Variants in NLRC4 observed in about 807,000 individuals in gnomAD.
NLRC4 encodes NLR family CARD domain-containing protein 4.
In NLRC4, 63 loss-of-function variants were observed where a neutral mutation model predicts 79.9. The ratio of observed to expected loss-of-function variants is 0.79; its 90% confidence interval spans 0.64 to 0.97. The LOEUF is 0.97. Ranked by LOEUF, NLRC4 falls within the 50% of genes least tolerant of loss-of-function variation. The pLI is 0.00. For synonymous variants in NLRC4, 461 were observed against 456.5 expected (o/e 1.01, Z -0.12); for missense variants, 1,074 against 1,215.2 (o/e 0.88, Z 1.73).
In NLRC4 at chr2:32,251,146, G is replaced by T. The variant is rs749177011; in HGVS notation, c.718C>A (p.Arg240=). The T allele has an allele frequency of 4.3e-6, 7 of 1,614,028 alleles. No homozygotes were observed. The highest frequency in any genetic ancestry group is 5.9e-6 in the Non-Finnish European group (7 of 1,180,018). The part of the protein sequence containing the change: ...QTFMAMLLKL[R]QRVLFLLDGY... Reference sequence around the variant, plus strand: ...TCAAGAAGGAAAAGAACCCTCTGCCGCAGCTTCAGCAGCATGGCCATGAAT... The same window carrying T: ...TCAAGAAGGAAAAGAACCCTCTGCCTCAGCTTCAGCAGCATGGCCATGAAT... The change falls in exon 4 of 9, where the codon CGG becomes AGG. Residue 240 remains arginine (R), a synonymous_variant. Coordinates refer to ENST00000402280, the MANE Select transcript of NLRC4 (RefSeq NM_001199138.2).
At chr2:32,224,796 AG>A (rs1686331507) in intron 8 of NLRC4, 31 bp from the exon 9 acceptor site, 2 of 1,231,478 alleles carry the variant, frequency 1.6e-6, no homozygotes, top group Admixed American at 3.0e-5. Context: ...ATTAGTTGGA[AG>A]AAAAATTTTT....
At chr2:32,265,434 G>T (rs1442513127), upstream of NLRC4, among the ~76,000 whole-genome samples, 1 of 152,194 alleles carries the variant, frequency 6.6e-6, no homozygotes. Context: ...GCCAGCCTCA[G>T]CCTCCCAAAG....
chr2:32,225,448 T>TAC (rs1686363998), intron 8 of NLRC4, among the ~76,000 whole-genome samples: 2 of 149,738 alleles, frequency 1.3e-5, no homozygotes, highest in Non-Finnish European at 3.0e-5. Flanking sequence ...TGTGTGTGTA[T>TAC]ACATACACAA....
rs751434892 is a variant in NLRC4, at chr2:32,261,316, C to CTTTTTTTTTTTTTT, written c.-119+3421_-119+3422insAAAAAAAAAAAAAA. Among the ~76,000 whole-genome samples, 293 of 96,740 alleles carry CTTTTTTTTTTTTTT rather than the reference C, an allele frequency of 3.0e-3. 23 individuals carry two copies. The highest frequency in any genetic ancestry group is 5.7e-3 in the Middle Eastern group (1 of 176). The allele number at this position is 96,740 out of a possible 152,430, so 63.5% of individuals were successfully genotyped here. ...TTCTTTCGCCTATTAAGCCTCCCCC[C>CTTTTTTTTTTTTTT]TTTTGTTTTTTTTTGAGATGGAGCC... is the stretch of plus-strand genomic sequence containing the variant. On this transcript the variant is annotated intron_variant, in intron 1 of 8. Transcript: ENST00000402280.
intron 8 of NLRC4, among the ~76,000 whole-genome samples, chr2:32,232,109 A>C (rs1686552133): frequency 6.6e-6 from 1 of 152,158 alleles, no homozygotes. Flanking sequence ...AATATCATAG[A>C]GGTAAAGTAC....
intron 2 of NLRC4, 59 bp from the exon 3 acceptor site, chr2:32,252,738 G>A: frequency 1.3e-6 from 2 of 1,487,910 alleles, no homozygotes; most frequent in Non-Finnish European, 1.9e-6. Flanking sequence ...TGCATATCCG[G>A]CTGGGCACGG....
At chr2:32,238,367 G>C in intron 5 of NLRC4, 65 bp from the exon 6 acceptor site, 1 of 1,327,164 alleles carries the variant, frequency 7.5e-7, no homozygotes, top group Non-Finnish European at 1.1e-6. Context: ...ATAGATTAAT[G>C]AACTGAAAAG....
intron 4 of NLRC4, among the ~76,000 whole-genome samples, chr2:32,242,909 G>A (rs759136519): frequency 1.3e-5 from 2 of 152,062 alleles, no homozygotes; most frequent in Non-Finnish European, 2.9e-5. Flanking sequence ...TTACCCAGGT[G>A]TGGTGGCAGG....
intron 1 of NLRC4, among the ~76,000 whole-genome samples, chr2:32,259,122 G>T (rs191815405): frequency 6.6e-6 from 1 of 151,996 alleles, no homozygotes; most frequent in East Asian, 1.9e-4. Flanking sequence ...TTGAGACAGG[G>T]TCTCACTCTG....
In NLRC4 at chr2:32,251,043, A is replaced by C. The variant is rs149415203; in HGVS notation, c.821T>G (p.Met274Arg). The C allele has an allele frequency of 6.2e-7, 1 of 1,614,204 alleles. No individual in the cohort carries two copies. Residue 274 changes from methionine (M) to arginine (R), a missense_variant, in exon 4 of 9, where the codon ATG becomes AGG. Coordinates refer to ENST00000402280, the MANE Select transcript of NLRC4 (RefSeq NM_001199138.2). ...LIKENHRFKN[M>R]VIVTTTTECL... Reference sequence around the variant, plus strand: ...CTCAGTGGTAGTGGTGACGATGACCATGTTCTTGAAGCGGTGGTTTTCCTT... The same window carrying C: ...CTCAGTGGTAGTGGTGACGATGACCCTGTTCTTGAAGCGGTGGTTTTCCTT...
At chr2:32,259,699 T>A (rs1687292678) in intron 1 of NLRC4, among the ~76,000 whole-genome samples, 1 of 152,126 alleles carries the variant, frequency 6.6e-6, no homozygotes, top group Admixed American at 6.6e-5. Context: ...CTCCTTAGTA[T>A]CCTATGCCCC....
At chr2:32,252,709 T>G in intron 2 of NLRC4, 30 bp from the exon 3 acceptor site, 1 of 1,590,244 alleles carries the variant, frequency 6.3e-7, no homozygotes, top group Non-Finnish European at 8.6e-7. Flanking sequence ...TATACATATT[T>G]ATTTACTTAT....
chr2:32,242,516 T>C (rs779130684), intron 4 of NLRC4, among the ~76,000 whole-genome samples: 1 of 152,244 alleles, frequency 6.6e-6, no homozygotes. Context: ...GAATTTGTTA[T>C]CTAAAATTTC....
chr2:32,256,913 G>T lies in NLRC4; in HGVS notation c.-118-20C>A. On this transcript the variant is annotated intron_variant, in intron 1 of 8. Transcript: ENST00000402280. ...TTCATTCTGTAAAACAAACAAAACAGAACCAGAGACTATCAGGTGGAGGGG... is the reference window on the plus strand; with the variant it reads ...TTCATTCTGTAAAACAAACAAAACATAACCAGAGACTATCAGGTGGAGGGG... 1.6e-6 allele frequency: 1 copy of T among 630,246 alleles called. No individual in the cohort carries two copies. Among genetic ancestry groups the T allele is most frequent in the South Asian group, 1.9e-5 (1 of 53,860 alleles). 39.0% of individuals were successfully genotyped at this position (630,246 alleles called of 1,614,324 possible). A position where few individuals can be genotyped will look rare whatever the true frequency, so the allele number is the denominator to read the frequency against.
intron 4 of NLRC4, among the ~76,000 whole-genome samples, chr2:32,241,675 G>C (rs1001999970): frequency 3.3e-5 from 5 of 152,084 alleles, no homozygotes; most frequent in African/African-American, 1.2e-4. Context: ...ACTGCGCCTG[G>C]CCGATAACAG....
At chr2:32,257,164 A>G (rs2148946508) in intron 1 of NLRC4, among the ~76,000 whole-genome samples, 1 of 152,336 alleles carries the variant, frequency 6.6e-6, no homozygotes, top group South Asian at 2.1e-4. Flanking sequence ...AGAAGGCAAC[A>G]TGGAATTAAA....
chr2:32,226,291 G>T (rs1686394402), intron 8 of NLRC4, among the ~76,000 whole-genome samples: 1 of 152,190 alleles, frequency 6.6e-6, no homozygotes. Flanking sequence ...TCACTGCATG[G>T]CCTTGTGTAG....
intron 6 of NLRC4, 40 bp downstream of exon 6, chr2:32,238,092 G>A (rs1686712776): frequency 2.0e-6 from 3 of 1,505,684 alleles, no homozygotes; most frequent in Non-Finnish European, 2.7e-6. Context: ...CACATGTTCT[G>A]TTATACTGTC....
At chr2:32,233,349 A>ATT (rs1176305976) in intron 8 of NLRC4, among the ~76,000 whole-genome samples, 550 of 41,080 alleles carry the variant, frequency 0.013, 21 homozygotes, top group African/African-American at 0.037. Flanking sequence ...ATATATATAT[A>ATT]TTTTTTTTTT....
Sources: allele counts gnomAD v4.1 joint callset (sites outside exome capture counted in the v4.1 genomes callset), GRCh38; gene constraint gnomAD v4.1.1; transcripts MANE v1.5; gene names NCBI Gene and HGNC (gene_info 2026-07-23, HGNC 2026-07-21).